BNC2: variants seen among roughly 807,000 people sequenced by gnomAD.
BNC2 encodes zinc finger protein basonuclin-2.
BNC2 carries 20 observed loss-of-function variants against 76.3 expected under a neutral mutation model. That is an observed-to-expected ratio of 0.26 (90% CI 0.18 to 0.38). The LOEUF is 0.38. Among genes scored for constraint, BNC2 ranks in the 10% least tolerant of loss-of-function variants. The pLI is 1.00. For synonymous variants in BNC2, 582 were observed against 514.8 expected (o/e 1.13, Z -1.77); for missense variants, 1,382 against 1,399.8 (o/e 0.99, Z 0.20).
chr9:16,813,326 T>G (rs903636572), intron 1 of BNC2, among the ~76,000 whole-genome samples: 4 of 151,214 alleles, frequency 2.6e-5, no homozygotes, highest in African/African-American at 9.7e-5. Flanking sequence ...AGTGCAGTGG[T>G]GCGATCTCGG....
intron 3 of BNC2, among the ~76,000 whole-genome samples, chr9:16,612,958 A>C (rs10738439): frequency 0.83 from 125,936 of 152,100 alleles, 54,019 homozygotes; most frequent in East Asian, 0.97. Context: ...AGTGATTTCA[A>C]CAAGCCAAGA....
At chr9:16,832,637 A>G (rs1286091371) in intron 1 of BNC2, among the ~76,000 whole-genome samples, 2 of 152,208 alleles carry the variant, frequency 1.3e-5, no homozygotes, top group East Asian at 1.9e-4. Context: ...CCCAAAATAC[A>G]TATTTTTCCA....
intron 3 of BNC2, among the ~76,000 whole-genome samples, chr9:16,617,676 T>C (rs959527201): frequency 2.6e-5 from 4 of 152,194 alleles, no homozygotes; most frequent in African/African-American, 9.6e-5. Context: ...ACTAATGGTT[T>C]TCTGAAGCAT....
intron 6 of BNC2, among the ~76,000 whole-genome samples, chr9:16,422,465 T>G (rs1321397944): frequency 6.6e-6 from 1 of 152,246 alleles, no homozygotes; most frequent in African/African-American, 2.4e-5. Context: ...ATAACTTCAG[T>G]ACACGGGTTC....
At chr9:16,760,638 GT>G (rs1825526538) in intron 1 of BNC2, among the ~76,000 whole-genome samples, 1 of 152,144 alleles carries the variant, frequency 6.6e-6, no homozygotes, top group Admixed American at 6.5e-5. Context: ...ACCTCCACTG[GT>G]TCTAAGGCAT....
Position 16,463,294 on chromosome 9 carries a change from C to CTTTT in BNC2, c.670-25774_670-25771dup, listed in dbSNP as rs34855187. On this transcript the variant is annotated intron_variant, in intron 5 of 6. Transcript: ENST00000380672. Reference sequence around the variant, plus strand: ...ACTGTGAGCATACAAGTATTAAATTCTTTTTTTTTTTTTTTTTTTTGAGAC... The same window carrying CTTTT: ...ACTGTGAGCATACAAGTATTAAATTCTTTTTTTTTTTTTTTTTTTTTTTTGAGAC... 2.7e-3 allele frequency among the ~76,000 whole-genome samples: 285 copies of CTTTT among 105,554 alleles called. 5 individuals carry two copies. The highest frequency in any genetic ancestry group is 8.0e-3 in the East Asian group (30 of 3,742). The allele number at this position is 105,554 out of a possible 152,430, so 69.2% of individuals were successfully genotyped here.
At chr9:16,520,581 G>C (rs1817586578) in intron 5 of BNC2, among the ~76,000 whole-genome samples, 1 of 152,194 alleles carries the variant, frequency 6.6e-6, no homozygotes, top group Non-Finnish European at 1.5e-5. Flanking sequence ...TGGAGAGCAA[G>C]AGATAGGACA....
intron 4 of BNC2, among the ~76,000 whole-genome samples, chr9:16,555,932 CCT>C (rs1486490033): frequency 6.6e-6 from 1 of 152,204 alleles, no homozygotes; most frequent in Non-Finnish European, 1.5e-5. Flanking sequence ...CACCTATTCA[CCT>C]CTGTTGTTAT....
intron 5 of BNC2, among the ~76,000 whole-genome samples, chr9:16,541,778 T>G (rs776647586): frequency 6.6e-6 from 1 of 152,156 alleles, no homozygotes; most frequent in Non-Finnish European, 1.5e-5. Flanking sequence ...TGGGATACTC[T>G]ATTGTCAGTT....
In BNC2 at chr9:16,773,095, T is replaced by C. The variant is rs550250933; in HGVS notation, c.4-34610A>G. Among the ~76,000 whole-genome samples, 21 of 152,270 alleles carry C rather than the reference T, an allele frequency of 1.4e-4. No individual in the cohort carries two copies. In the South Asian group the frequency reaches 4.2e-3, roughly 30 times the overall value. ...TCTTCCCACTATTAGACATGCCGCA[T>C]TGACCAATTCTGTCCTGATTGCTGT... On this transcript the variant is annotated intron_variant, in intron 1 of 6. Transcript: ENST00000380672.
At chr9:16,721,620 G>GA (rs376460314) in intron 3 of BNC2, among the ~76,000 whole-genome samples, 5 of 152,188 alleles carry the variant, frequency 3.3e-5, no homozygotes, top group African/African-American at 1.2e-4. Context: ...TTCAAATGGC[G>GA]AATTATTTCT....
At chr9:16,753,615 C>T (rs764195977) in intron 1 of BNC2, among the ~76,000 whole-genome samples, 1 of 152,218 alleles carries the variant, frequency 6.6e-6, no homozygotes, top group South Asian at 2.1e-4. Context: ...ATCAATCACA[C>T]TGCCAACGGG....
chr9:16,651,180 C>T (rs1163659194), intron 3 of BNC2, among the ~76,000 whole-genome samples: 1 of 152,060 alleles, frequency 6.6e-6, no homozygotes, highest in East Asian at 1.9e-4. Context: ...CAAAAGAGAC[C>T]GTTACGATGT....
At chr9:16,560,625 A>G (rs989619871) in intron 4 of BNC2, among the ~76,000 whole-genome samples, 1 of 152,176 alleles carries the variant, frequency 6.6e-6, no homozygotes, top group African/African-American at 2.4e-5. Flanking sequence ...TACTTGAAGC[A>G]ACAGAGACAG....
At chr9:16,728,545 T>C (rs2135000292) in intron 2 of BNC2, among the ~76,000 whole-genome samples, 1 of 152,148 alleles carries the variant, frequency 6.6e-6, no homozygotes, top group South Asian at 2.1e-4. Context: ...CTTAAATTTT[T>C]TTTTAATTAC....
At chr9:16,457,009 A>G (rs756750678) in intron 5 of BNC2, among the ~76,000 whole-genome samples, 1 of 152,094 alleles carries the variant, frequency 6.6e-6, no homozygotes, top group Non-Finnish European at 1.5e-5. Flanking sequence ...TGTGGTGGGG[A>G]GAGAGAGAGA....
intron 1 of BNC2, among the ~76,000 whole-genome samples, chr9:16,821,741 G>C (rs1818336295): frequency 6.6e-6 from 1 of 152,006 alleles, no homozygotes; most frequent in South Asian, 2.1e-4. Context: ...TTGAGGTCAG[G>C]AGTTCAAGAC....
At chr9:16,821,821 C>T (rs915915022) in intron 1 of BNC2, among the ~76,000 whole-genome samples, 3 of 151,818 alleles carry the variant, frequency 2.0e-5, no homozygotes, top group Non-Finnish European at 2.9e-5. Flanking sequence ...GGGCTGGGCA[C>T]GGTGGGTAAT....
intron 5 of BNC2, among the ~76,000 whole-genome samples, chr9:16,458,222 T>C (rs1481686707): frequency 1.3e-5 from 2 of 152,228 alleles, no homozygotes; most frequent in East Asian, 1.9e-4. Context: ...GGGACCATGC[T>C]AGCTTCATTT....
Sources: gnomAD v4.1 joint callset for allele counts (sites outside exome capture counted in the v4.1 genomes callset) on GRCh38, gnomAD v4.1.1 for gene constraint, MANE v1.5 for transcripts, NCBI Gene and HGNC (gene_info 2026-07-23, HGNC 2026-07-21) for gene names.